The following FANCI variants were observed in gnomAD, a reference collection of about 807,000 sequenced individuals.
FANCI encodes the protein FA complementation group I, also known as Fanconi anemia group I protein.
Under a neutral mutation model 176.1 loss-of-function variants are expected in FANCI, and 156 were observed. That is an observed-to-expected ratio of 0.89 (90% CI 0.78 to 1.01). The LOEUF is 1.01. Among genes scored for constraint, FANCI ranks in the 50% least tolerant of loss-of-function variants. FANCI has a pLI of 0.00. For missense variants in FANCI, 1,678 were observed against 1,534.1 expected, an observed-to-expected ratio of 1.09 and a Z score of -1.57; for synonymous variants, 613 against 541.7, an observed-to-expected ratio of 1.13 and a Z score of -1.83.
chr15:89,282,747 A>G (rs2053663057), intron 16 of FANCI: 1 of 292,736 alleles, frequency 3.4e-6, no homozygotes, highest in Non-Finnish European at 6.7e-6. Flanking sequence ...ATGGCATCAA[A>G]TATTACATTA....
chr15:89,309,474 G>C (rs972297630), intron 34 of FANCI, among the ~76,000 whole-genome samples: 6 of 152,156 alleles, frequency 3.9e-5, no homozygotes, highest in African/African-American at 1.4e-4. Context: ...GCTGAGACCA[G>C]TCATGGTGGT....
intron 36 of FANCI, 35 bp from the exon 37 acceptor site, chr15:89,315,247 T>C (rs368000211): frequency 1.6e-5 from 23 of 1,477,982 alleles, no homozygotes; most frequent in Non-Finnish European, 2.0e-5. Context: ...GACCTATGAG[T>C]AGGGAGATGT....
At chr15:89,270,782 CT>C (rs2053170590) in intron 10 of FANCI, among the ~76,000 whole-genome samples, 1 of 152,132 alleles carries the variant, frequency 6.6e-6, no homozygotes, top group Admixed American at 6.6e-5. Flanking sequence ...CTTATGTGTT[CT>C]TTTGATGTGA....
At chr15:89,300,273 A>C (rs748456629) in intron 25 of FANCI, 27 bp from the exon 26 acceptor site, 1 of 1,603,610 alleles carries the variant, frequency 6.2e-7, no homozygotes, top group African/African-American at 1.3e-5. Flanking sequence ...ATATCAAAGA[A>C]GACAAGAGTT....
chr15:89,272,065 C>A (rs2053221261), intron 10 of FANCI, among the ~76,000 whole-genome samples: 3 of 152,172 alleles, frequency 2.0e-5, no homozygotes, highest in Admixed American at 6.5e-5. Flanking sequence ...TTCCCACTAT[C>A]ACTATGTGAG....
chr15:89,305,428 C>T lies in FANCI; in HGVS notation c.3255+19C>T. On this transcript the variant is annotated intron_variant, in intron 30 of 37. Coordinates refer to ENST00000310775, the MANE Select transcript of FANCI (RefSeq NM_001113378.2). ...TGTCTGTGTAAGTGTTGTACCTGAGCCATGGGGAATAGCTTTGTCATTCTT... is the reference window on the plus strand; with the variant it reads ...TGTCTGTGTAAGTGTTGTACCTGAGTCATGGGGAATAGCTTTGTCATTCTT... 1 of 1,613,132 alleles carries T rather than the reference C, an allele frequency of 6.2e-7. No individual in the cohort carries two copies. Among genetic ancestry groups the T allele is most frequent in the Non-Finnish European group, 8.5e-7 (1 of 1,179,814 alleles).
chr15:89,314,115 A>C (rs1438129981), intron 35 of FANCI, among the ~76,000 whole-genome samples: 1 of 149,600 alleles, frequency 6.7e-6, no homozygotes, highest in East Asian at 1.9e-4. Context: ...CGTTAGGAGG[A>C]AAGACACACA....
Position 89,266,431 on chromosome 15 carries a change from C to T in FANCI, c.755+1824C>T, listed in dbSNP as rs375219949. On this transcript the variant is annotated intron_variant, in intron 9 of 37. Transcript: ENST00000310775. ...GCAAACTCTGCCTCCTGGGTTCAAG[C>T]GATCCTCCTGCCTCAGCCTCCCTAG... Among the ~76,000 whole-genome samples, 5 of 150,052 alleles carry T rather than the reference C, an allele frequency of 3.3e-5. No individual in the cohort carries two copies. The South Asian group carries it at 8.5e-4, about 25-fold the overall frequency.
At chr15:89,316,140 CTT>C (rs1397187847) in intron 37 of FANCI, among the ~76,000 whole-genome samples, 2 of 152,206 alleles carry the variant, frequency 1.3e-5, no homozygotes, top group African/African-American at 2.4e-5. Context: ...GGCTTCTTCT[CTT>C]GTCATTTTGT....
At chr15:89,303,067 TAG>T (rs1744846747) in intron 27 of FANCI, among the ~76,000 whole-genome samples, 1 of 152,142 alleles carries the variant, frequency 6.6e-6, no homozygotes, top group African/African-American at 2.4e-5. Flanking sequence ...CAAGTAAATA[TAG>T]AGTTTTATTC....
At chr15:89,306,834 C>G (rs767519444) in intron 32 of FANCI, among the ~76,000 whole-genome samples, 4 of 152,192 alleles carry the variant, frequency 2.6e-5, no homozygotes, top group Non-Finnish European at 5.9e-5. Flanking sequence ...AGAATTAAAT[C>G]TGGGCCCATA....
intron 16 of FANCI, chr15:89,282,762 A>G (rs544528615): frequency 6.2e-6 from 2 of 320,040 alleles, no homozygotes; most frequent in East Asian, 7.7e-5. Flanking sequence ...ACATTATCCT[A>G]TGATGAAAGA....
intron 9 of FANCI, among the ~76,000 whole-genome samples, 178 bp from the exon 10 acceptor site, chr15:89,268,221 A>C (rs895592171): frequency 1.3e-5 from 2 of 152,138 alleles, no homozygotes; most frequent in Non-Finnish European, 2.9e-5. Flanking sequence ...CAGCCTCCCA[A>C]GTAGCTGGGA....
intron 2 of FANCI, among the ~76,000 whole-genome samples, chr15:89,249,735 T>C (rs1486731520): frequency 6.6e-6 from 1 of 152,150 alleles, no homozygotes; most frequent in Non-Finnish European, 1.5e-5. Context: ...AGACAACTTC[T>C]TGAAATGAAA....
At chr15:89,288,752 G>A (rs574411420) in intron 18 of FANCI, among the ~76,000 whole-genome samples, 6 of 150,362 alleles carry the variant, frequency 4.0e-5, no homozygotes, top group Non-Finnish European at 7.4e-5. Context: ...ATCCCCAAAC[G>A]ATTGGGACCA....
At chr15:89,307,070 A>T (rs531329290) in intron 32 of FANCI, among the ~76,000 whole-genome samples, 1 of 152,334 alleles carries the variant, frequency 6.6e-6, no homozygotes, top group African/African-American at 2.4e-5. Flanking sequence ...TAATCCAAGA[A>T]AGATGTGGAC....
chr15:89,263,911 C>T lies in FANCI; in HGVS notation c.554C>T (p.Pro185Leu), dbSNP rs777522894. ...GAATCTTTGATCCACAGGGATGTCC[C>T]TCTGACTGCAGAAGAGGTGGAATTT... ...IQLTSMFKDVPLTAEEVEFVV... is the reference protein window; with the variant it reads ...IQLTSMFKDVLLTAEEVEFVV... Residue 185 changes from proline to leucine, a missense_variant, in exon 8 of 38, where the codon CCT (proline) becomes CTT (leucine). Transcript: ENST00000310775. The T allele has an allele frequency of 6.2e-7, 1 of 1,614,120 alleles. No homozygotes were observed. Among genetic ancestry groups the T allele is most frequent in the Non-Finnish European group, 8.5e-7 (1 of 1,179,966 alleles).
chr15:89,274,383 C>T (rs1451139164), intron 12 of FANCI, 79 bp downstream of exon 12: 1 of 1,507,336 alleles, frequency 6.6e-7, no homozygotes, highest in Admixed American at 1.7e-5. Context: ...ATACTTGCAG[C>T]CTGTGAGGGG....
In FANCI at chr15:89,291,689, A is replaced by T; in HGVS notation, c.1967A>T (p.Asp656Val). Residue 656 changes from aspartate to valine, a missense_variant, in exon 20 of 38, where the codon GAT (aspartate) becomes GTT (valine). Coordinates refer to ENST00000310775, the MANE Select transcript of FANCI (RefSeq NM_001113378.2). Reference protein sequence around the residue: ...KLEACILTQGDKISLQEPLDY... With the variant: ...KLEACILTQGVKISLQEPLDY... ...GAAGCTTGTATTCTGACCCAAGGAG[A>T]TAAGATCTCTCTACAAGAACCACTG... 1 of 1,613,792 alleles carries T rather than the reference A, an allele frequency of 6.2e-7. No homozygotes were observed. The highest frequency in any genetic ancestry group is 1.1e-5 in the South Asian group (1 of 91,078).
Sources: allele counts gnomAD v4.1 joint callset (sites outside exome capture counted in the v4.1 genomes callset), GRCh38; gene constraint gnomAD v4.1.1; transcripts MANE v1.5; gene names NCBI Gene and HGNC (gene_info 2026-07-23, HGNC 2026-07-21).